Variants in TOX3 observed in about 807,000 individuals in gnomAD.
TOX3 encodes the protein TOX high mobility group box family member 3, also known as CAG trinucleotide repeat-containing gene F9 protein.
A neutral mutation model predicts 64.3 loss-of-function variants in TOX3; 22 were observed. That is an observed-to-expected ratio of 0.34 (90% CI 0.24 to 0.49). The LOEUF is 0.49. TOX3 is among the 20% of genes least tolerant of loss of function. TOX3 has a pLI of 0.99. For missense variants in TOX3, 661 were observed against 714.4 expected, an observed-to-expected ratio of 0.93 and a Z score of 0.85; for synonymous variants, 291 against 273.6, an observed-to-expected ratio of 1.06 and a Z score of -0.63.
chr16:52,504,341 C>T (rs1445256229), intron 1 of TOX3, among the ~76,000 whole-genome samples: 2 of 151,948 alleles, frequency 1.3e-5, no homozygotes, highest in Non-Finnish European at 2.9e-5. Context: ...GTGGTGGGCA[C>T]CTGTCGTTCC....
intron 1 of TOX3, among the ~76,000 whole-genome samples, chr16:52,534,353 G>A (rs995204945): frequency 5.3e-5 from 8 of 152,114 alleles, no homozygotes; most frequent in African/African-American, 1.9e-4. Flanking sequence ...AAAGTCAAAG[G>A]TTGGCTAGGT....
At chr16:52,485,072 CATATATACATGTATGTGTGTGTAT>C (rs1438474578) in intron 1 of TOX3, among the ~76,000 whole-genome samples, 1 of 149,900 alleles carries the variant, frequency 6.7e-6, no homozygotes. Flanking sequence ...CAAACACACA[CATATATACATGTATGTGTGTGTAT>C]ATATATACAC....
At chr16:52,490,093 G>A (rs1961636806) in intron 1 of TOX3, among the ~76,000 whole-genome samples, 1 of 152,026 alleles carries the variant, frequency 6.6e-6, no homozygotes, top group South Asian at 2.1e-4. Context: ...ATTTTTTAAC[G>A]CAGTATGCCA....
At chr16:52,524,394 T>A (rs761628448) in intron 1 of TOX3, among the ~76,000 whole-genome samples, 1 of 152,198 alleles carries the variant, frequency 6.6e-6, no homozygotes, top group East Asian at 1.9e-4. Flanking sequence ...TTCAAATGAA[T>A]TTTTTAGATG....
intron 1 of TOX3, among the ~76,000 whole-genome samples, chr16:52,509,289 A>T (rs1962240058): frequency 6.6e-6 from 1 of 152,212 alleles, no homozygotes; most frequent in African/African-American, 2.4e-5. Flanking sequence ...ATGGGTAAAA[A>T]TACTCCTTTT....
At chr16:52,481,732 G>A (rs1961373598) in intron 1 of TOX3, among the ~76,000 whole-genome samples, 1 of 152,224 alleles carries the variant, frequency 6.6e-6, no homozygotes, top group Non-Finnish European at 1.5e-5. Flanking sequence ...GTGGCAGAGA[G>A]CTTTTGCTCA....
At chr16:52,507,762 A>G (rs1299188243) in intron 1 of TOX3, among the ~76,000 whole-genome samples, 1 of 152,252 alleles carries the variant, frequency 6.6e-6, no homozygotes, top group Non-Finnish European at 1.5e-5. Context: ...GAAATACATC[A>G]GATAATTTTT....
chr16:52,444,314 T>G lies in TOX3; in HGVS notation c.949A>C (p.Lys317Gln). ...CTGGCCCTGTATGCCGCCAGGGCCTTCAGGTATTCTTTTTTGGCAGCTTCT... is the reference window on the plus strand; with the variant it reads ...CTGGCCCTGTATGCCGCCAGGGCCTGCAGGTATTCTTTTTTGGCAGCTTCT... ...KTEAAKKEYL[K>Q]ALAAYRASLV... Residue 317 changes from lysine to glutamine, a missense_variant, in exon 6 of 7, where the codon AAG (lysine) becomes CAG (glutamine). Lys to Gln is a moderately conservative substitution (Grantham distance 53). Transcript: ENST00000219746. The G allele has an allele frequency of 6.3e-7, 1 of 1,590,786 alleles. No homozygotes were observed. The highest frequency in any genetic ancestry group is 8.6e-7 in the Non-Finnish European group (1 of 1,166,848).
chr16:52,444,499 G>GCGCGCA (rs374601775), intron 5 of TOX3, 143 bp from the exon 6 acceptor site: 1 of 379,824 alleles, frequency 2.6e-6, no homozygotes, highest in African/African-American at 2.2e-5. Context: ...GTTAGCGCAT[G>GCGCGCA]CACACACACA....
At chr16:52,492,267 A>G (rs2151458300) in intron 1 of TOX3, among the ~76,000 whole-genome samples, 1 of 146,994 alleles carries the variant, frequency 6.8e-6, no homozygotes, top group African/African-American at 2.5e-5. Context: ...ATATAAATAT[A>G]TAATGGTTGA....
At chr16:52,494,170 C>A (rs1961774969) in intron 1 of TOX3, among the ~76,000 whole-genome samples, 1 of 152,202 alleles carries the variant, frequency 6.6e-6, no homozygotes, top group Non-Finnish European at 1.5e-5. Context: ...CTCTTACCAT[C>A]ATAAATCATT....
chr16:52,459,223 C>T (rs2160475), intron 3 of TOX3, among the ~76,000 whole-genome samples: 58,344 of 151,888 alleles, frequency 0.38, 11,707 homozygotes, highest in Middle Eastern at 0.52. Context: ...AGCTGAGGAT[C>T]GCTTGAACAC....
At chr16:52,470,645 T>C (rs1961015131) in intron 1 of TOX3, among the ~76,000 whole-genome samples, 1 of 152,224 alleles carries the variant, frequency 6.6e-6, no homozygotes, top group South Asian at 2.1e-4. Context: ...CTGTGAATTG[T>C]ATCCATTAAT....
chr16:52,439,943 T>C lies in TOX3; in HGVS notation c.1013A>G (p.Gln338Arg). The C allele has an allele frequency of 6.4e-7, 1 of 1,574,694 alleles. No homozygotes were observed. Among genetic ancestry groups the C allele is most frequent in the Middle Eastern group, 1.7e-4 (1 of 5,876 alleles). ...SKAAAESAEA[Q>R]TIRSVQQTLA... ...GGTCTGCTGAACAGAACGGATGGTC[T>C]GGGCTTCTGCTGACTCAGCAGCAGC... Residue 338 changes from glutamine (Q) to arginine (R), a missense_variant, in exon 7 of 7, where the codon CAG becomes CGG. Gln to Arg is a conservative substitution (Grantham distance 43, BLOSUM62 1). Transcript: ENST00000219746.
chr16:52,461,587 C>A (rs941812857), intron 3 of TOX3, among the ~76,000 whole-genome samples: 1 of 152,098 alleles, frequency 6.6e-6, no homozygotes, highest in African/African-American at 2.4e-5. Flanking sequence ...TGGTTCAATA[C>A]AACATCAACA....
chr16:52,519,604 C>T, intron 1 of TOX3: 1 of 1,413,136 alleles, frequency 7.1e-7, no homozygotes, highest in South Asian at 1.6e-5. Flanking sequence ...AAAAAAACAA[C>T]ATGGTTGGGC....
chr16:52,521,063 G>T (rs774350875), intron 1 of TOX3, among the ~76,000 whole-genome samples: 4 of 152,140 alleles, frequency 2.6e-5, no homozygotes, highest in Non-Finnish European at 4.4e-5. Flanking sequence ...CAGAAGGGTT[G>T]TAACTGGGTC....
chr16:52,488,171 T>C (rs1235964203), intron 1 of TOX3, among the ~76,000 whole-genome samples: 1 of 152,196 alleles, frequency 6.6e-6, no homozygotes, highest in Non-Finnish European at 1.5e-5. Flanking sequence ...GGCTTTCTCT[T>C]CCATTGGAAA....
intron 1 of TOX3, among the ~76,000 whole-genome samples, chr16:52,507,673 AT>A (rs1477066283): frequency 2.6e-5 from 4 of 152,238 alleles, no homozygotes; most frequent in Non-Finnish European, 5.9e-5. Flanking sequence ...ATAATCAATT[AT>A]TTTCATATTA....
Sources: allele counts gnomAD v4.1 joint callset (sites outside exome capture counted in the v4.1 genomes callset), GRCh38; gene constraint gnomAD v4.1.1; transcripts MANE v1.5; gene names NCBI Gene and HGNC (gene_info 2026-07-23, HGNC 2026-07-21).